TEX2: variants seen among roughly 807,000 people sequenced by gnomAD.
TEX2 encodes the protein testis-expressed protein 2.
TEX2 carries 53 observed loss-of-function variants against 106.9 expected under a neutral mutation model. The ratio of observed to expected loss-of-function variants is 0.50; its 90% confidence interval spans 0.40 to 0.62. TEX2 has a LOEUF of 0.62. Ranked by LOEUF, TEX2 falls within the 20% of genes least tolerant of loss-of-function variation. TEX2 has a pLI of 0.00. For synonymous variants in TEX2, 523 were observed against 534.8 expected (o/e 0.98, Z 0.30); for missense variants, 1,207 against 1,379.0 (o/e 0.88, Z 1.98).
intron 1 of TEX2, among the ~76,000 whole-genome samples, chr17:64,221,371 T>TA (rs2033355378): frequency 6.6e-6 from 1 of 152,082 alleles, no homozygotes; most frequent in Non-Finnish European, 1.5e-5. Context: ...ATTACATTTT[T>TA]AAAAAAATGG....
intron 1 of TEX2, among the ~76,000 whole-genome samples, chr17:64,235,665 CA>C (rs1281091957): frequency 1.3e-5 from 2 of 152,254 alleles, no homozygotes; most frequent in Non-Finnish European, 2.9e-5. Flanking sequence ...GACTTTCTTA[CA>C]AAAAGTAAAC....
intron 1 of TEX2, among the ~76,000 whole-genome samples, chr17:64,224,105 T>C (rs2033440880): frequency 6.6e-6 from 1 of 152,244 alleles, no homozygotes; most frequent in Admixed American, 6.5e-5. Flanking sequence ...ATTTGATGTA[T>C]GAGTACCATC....
At chr17:64,261,426 T>C (rs1189836299) in intron 1 of TEX2, among the ~76,000 whole-genome samples, 1 of 152,192 alleles carries the variant, frequency 6.6e-6, no homozygotes. Flanking sequence ...ATAATGAACA[T>C]TATGTTTGGT....
Position 64,174,488 on chromosome 17 carries a change from T to C in TEX2, c.2571+2837A>G, listed in dbSNP as rs557656164. On this transcript the variant is annotated intron_variant, in intron 6 of 11. Coordinates refer to ENST00000584379, the MANE Select transcript of TEX2 (RefSeq NM_001288732.2). ...TCTATAACCAACCCTCCAGCACTCATATACTCCCCTCCTAGTTCACATCCC... is the reference window on the plus strand; with the variant it reads ...TCTATAACCAACCCTCCAGCACTCACATACTCCCCTCCTAGTTCACATCCC... Among the ~76,000 whole-genome samples, 7 of 152,284 alleles carry C rather than the reference T, an allele frequency of 4.6e-5. No homozygotes were observed. In the South Asian group the frequency reaches 1.2e-3, roughly 27 times the overall value.
intron 9 of TEX2, 137 bp downstream of exon 9, chr17:64,154,705 A>T: frequency 9.0e-7 from 1 of 1,105,170 alleles, no homozygotes; most frequent in Non-Finnish European, 1.2e-6. Flanking sequence ...CTGACCTGGG[A>T]TATTAATAAA....
chr17:64,239,020 T>A (rs2033828904), intron 1 of TEX2: 1 of 152,240 alleles, frequency 6.6e-6, no homozygotes, highest in African/African-American at 2.4e-5. Flanking sequence ...TTAATCTTCA[T>A]GGCCCTATGA....
chr17:64,184,783 G>C (rs1280614186), intron 5 of TEX2, among the ~76,000 whole-genome samples: 1 of 152,170 alleles, frequency 6.6e-6, no homozygotes, highest in African/African-American at 2.4e-5. Flanking sequence ...TAGAGGGCCA[G>C]CTCCATTCTC....
At chr17:64,250,213 C>T (rs1270586079) in intron 1 of TEX2, among the ~76,000 whole-genome samples, 2 of 152,218 alleles carry the variant, frequency 1.3e-5, no homozygotes, top group African/African-American at 4.8e-5. Context: ...ACTTCTAACA[C>T]ACATCCAGGC....
At chr17:64,151,188 CTG>C (rs1334725058) in intron 10 of TEX2, among the ~76,000 whole-genome samples, 1 of 152,150 alleles carries the variant, frequency 6.6e-6, no homozygotes, top group Non-Finnish European at 1.5e-5. Context: ...TTCTGACAAA[CTG>C]AGAGAGCCAG....
Position 64,195,190 on chromosome 17 carries a change from C to A in TEX2, c.1645-95G>T. ...CACTGTGGTATTTGGGACACTGAAA[C>A]CAAACTTGATCACGACACAGATATC... On this transcript the variant is annotated intron_variant, in intron 2 of 11. Transcript: ENST00000584379. This position sits in a 1 kb window ranked among gnomAD's most constrained non-coding sequence, Gnocchi z 4.1. 1 of 1,157,886 alleles carries A rather than the reference C, an allele frequency of 8.6e-7. No homozygotes were observed. The highest frequency in any genetic ancestry group is 1.3e-5 in the South Asian group (1 of 74,616). The allele number at this position is 1,157,886 out of a possible 1,614,324, so 71.7% of individuals were successfully genotyped here. A position where few individuals can be genotyped will look rare whatever the true frequency, so the allele number is the denominator to read the frequency against.
rs532636963 is a variant in TEX2, at chr17:64,228,704, CCG to C, written c.-25-14464_-25-14463del. Among the ~76,000 whole-genome samples, 412 of 152,264 alleles carry C rather than the reference CCG, an allele frequency of 2.7e-3. 6 individuals carry two copies. Among genetic ancestry groups the C allele is most frequent in the African/African-American group, 9.7e-3 (402 of 41,538 alleles). Reference sequence around the variant, plus strand: ...AGCCTGGTTCCTAGCAGGCCATGGACCGCTCCTGGTCTGTGGCCCGGGGATTG... The same window carrying C: ...AGCCTGGTTCCTAGCAGGCCATGGACCTCCTGGTCTGTGGCCCGGGGATTG... On this transcript the variant is annotated intron_variant, in intron 1 of 11. Transcript: ENST00000584379.
At chr17:64,161,675 C>T (rs1405514162) in intron 7 of TEX2, among the ~76,000 whole-genome samples, 8 of 151,934 alleles carry the variant, frequency 5.3e-5, no homozygotes, top group South Asian at 2.1e-4. Flanking sequence ...CTGCAATGGC[C>T]GCTGTTCAGT....
At position 64,185,782 on chromosome 17, in the gene TEX2, C is replaced by T. The variant is rs779446006; in HGVS notation, c.2424+2386G>A. Among the ~76,000 whole-genome samples the T allele has an allele frequency of 6.6e-5, 10 of 152,084 alleles. No homozygotes were observed. The highest frequency in any genetic ancestry group is 1.9e-4 in the East Asian group (1 of 5,182). On this transcript the variant is annotated intron_variant, in intron 5 of 11. Coordinates refer to ENST00000584379, the MANE Select transcript of TEX2 (RefSeq NM_001288732.2). The surrounding 1 kb of genome is among the most constrained non-coding windows in gnomAD (Gnocchi z 4.0). Reference sequence around the variant, plus strand: ...TACTAAAAATACAAAATTAGCCGGACGTGGTAGCGTGTGACTGCAGTCCTG... The same window carrying T: ...TACTAAAAATACAAAATTAGCCGGATGTGGTAGCGTGTGACTGCAGTCCTG...
At chr17:64,198,034 T>C (rs75971671) in intron 2 of TEX2, among the ~76,000 whole-genome samples, 10,287 of 152,228 alleles carry the variant, frequency 0.068, 462 homozygotes, top group Non-Finnish European at 0.096. Context: ...TTTCCAAATA[T>C]TTGAGAAATT....
At chr17:64,149,945 A>G (rs1450051517) in intron 11 of TEX2, 1 of 151,836 alleles carries the variant, frequency 6.6e-6, no homozygotes, top group Non-Finnish European at 1.5e-5. Flanking sequence ...AAAGAAAGAA[A>G]AAGGGAAAAA....
intron 1 of TEX2, among the ~76,000 whole-genome samples, chr17:64,247,025 C>T (rs1218108301): frequency 1.3e-5 from 2 of 152,160 alleles, no homozygotes; most frequent in East Asian, 3.9e-4. Flanking sequence ...ATTCTGTAAT[C>T]CCAGCACTTT....
chr17:64,169,319 G>C (rs923761267), intron 7 of TEX2, among the ~76,000 whole-genome samples: 1 of 152,168 alleles, frequency 6.6e-6, no homozygotes, highest in Non-Finnish European at 1.5e-5. Context: ...GATTACAGGC[G>C]TGAGCCACCG....
At chr17:64,222,604 C>A (rs2033391529) in intron 1 of TEX2, among the ~76,000 whole-genome samples, 1 of 150,188 alleles carries the variant, frequency 6.7e-6, no homozygotes, top group Non-Finnish European at 1.5e-5. Context: ...CTGGTCAACA[C>A]AGGAGACCCA....
rs1003651977 is a variant in TEX2, at chr17:64,185,434, T to C, written c.2424+2734A>G. On this transcript the variant is annotated intron_variant, in intron 5 of 11. Transcript: ENST00000584379. The surrounding 1 kb of genome is among the most constrained non-coding windows in gnomAD (Gnocchi z 4.0). Reference sequence around the variant, plus strand: ...TGTACCCATGCTGGAAGTGGTACCATTGCACTTTCAGACATTTTTTAAAAA... The same window carrying C: ...TGTACCCATGCTGGAAGTGGTACCACTGCACTTTCAGACATTTTTTAAAAA... 1.3e-5 allele frequency among the ~76,000 whole-genome samples: 2 copies of C among 152,138 alleles called. No individual in the cohort carries two copies. Among genetic ancestry groups the C allele is most frequent in the Non-Finnish European group, 2.9e-5 (2 of 68,034 alleles).
Sources: allele counts gnomAD v4.1 joint callset (sites outside exome capture counted in the v4.1 genomes callset), GRCh38; gene constraint gnomAD v4.1.1; non-coding constraint Gnocchi (gnomAD v3.1); transcripts MANE v1.5; gene names NCBI Gene and HGNC (gene_info 2026-07-23, HGNC 2026-07-21).